Variants in MED12L observed in about 807,000 individuals in gnomAD.
MED12L encodes mediator of RNA polymerase II transcription subunit 12-like protein.
Under a neutral mutation model 281.3 loss-of-function variants are expected in MED12L, and 60 were observed. The observed-to-expected ratio is 0.21, with a 90% CI of 0.17 to 0.26. The LOEUF (loss-of-function observed/expected upper bound fraction) is 0.26. Ranked by LOEUF, MED12L falls within the 10% of genes least tolerant of loss-of-function variation. The probability of loss-of-function intolerance (pLI) is 1.00; values close to 1 mark genes in which losing one functional copy is unlikely to be tolerated. For synonymous variants in MED12L, 974 were observed against 987.2 expected, an observed-to-expected ratio of 0.99 and a Z score of 0.25; for missense variants, 2,146 against 2,680.9, an observed-to-expected ratio of 0.80 and a Z score of 4.41.
intron 2 of MED12L, among the ~76,000 whole-genome samples, chr3:151,097,689 G>A (rs774524150): frequency 4.6e-5 from 7 of 152,078 alleles, no homozygotes; most frequent in Non-Finnish European, 4.4e-5. Flanking sequence ...AGACATTTTG[G>A]GTTGCCACAA....
intron 16 of MED12L, among the ~76,000 whole-genome samples, chr3:151,217,607 G>T (rs540903790): frequency 6.6e-6 from 1 of 152,332 alleles, no homozygotes; most frequent in East Asian, 1.9e-4. Flanking sequence ...TTTAGGGTGG[G>T]AGGTTTTAGA....
chr3:151,397,101 A>G (rs17204501), intron 39 of MED12L, among the ~76,000 whole-genome samples: 45,720 of 151,940 alleles, frequency 0.3, 7,666 homozygotes, highest in Non-Finnish European at 0.38. Flanking sequence ...TGCTAACTCC[A>G]TTACAGTGTT....
chr3:151,267,099 T>C (rs1739986054), intron 16 of MED12L, among the ~76,000 whole-genome samples: 1 of 152,242 alleles, frequency 6.6e-6, no homozygotes, highest in Non-Finnish European at 1.5e-5. Context: ...TTCTTGCGTG[T>C]TAGAACTCCT....
chr3:151,383,963 T>G (rs747978901), intron 34 of MED12L, 75 bp downstream of exon 34: 67 of 1,480,390 alleles, frequency 4.5e-5, no homozygotes, highest in Non-Finnish European at 6.2e-5. Flanking sequence ...GATGGCGATT[T>G]CTGCCACATC....
intron 16 of MED12L, among the ~76,000 whole-genome samples, chr3:151,206,342 G>A (rs982524540): frequency 3.3e-5 from 5 of 151,620 alleles, no homozygotes; most frequent in African/African-American, 1.2e-4. Context: ...CACATTCTTG[G>A]AATGTGAACT....
intron 21 of MED12L, among the ~76,000 whole-genome samples, chr3:151,362,471 A>G (rs1195284946): frequency 6.6e-6 from 1 of 152,002 alleles, no homozygotes; most frequent in Non-Finnish European, 1.5e-5. Flanking sequence ...ACTTGTCCTC[A>G]GTTACTTGTG....
At chr3:151,411,204 C>T (rs961253366) in intron 40 of MED12L, 74 bp from the exon 41 acceptor site, 15 of 1,329,598 alleles carry the variant, frequency 1.1e-5, no homozygotes, top group African/African-American at 2.9e-5. Context: ...TTGTTTTTGC[C>T]CCATATATCG....
At chr3:151,229,830 A>G (rs9853297) in intron 16 of MED12L, among the ~76,000 whole-genome samples, 68,699 of 151,942 alleles carry the variant, frequency 0.45, 16,226 homozygotes, top group East Asian at 0.6. Flanking sequence ...GAGCAACTGT[A>G]TTAGTTGCAA....
intron 16 of MED12L, among the ~76,000 whole-genome samples, chr3:151,331,838 A>G (rs1414486283): frequency 6.6e-6 from 1 of 152,194 alleles, no homozygotes; most frequent in Admixed American, 6.5e-5. Context: ...GAAAAAAGGA[A>G]ATGCAGAAGT....
chr3:151,207,004 G>A (rs1181056636), intron 16 of MED12L, among the ~76,000 whole-genome samples: 2 of 151,438 alleles, frequency 1.3e-5, no homozygotes, highest in East Asian at 3.9e-4. Context: ...TACTTTCCAG[G>A]AGAATGTTCT....
intron 39 of MED12L, among the ~76,000 whole-genome samples, chr3:151,406,734 A>G (rs1278670716): frequency 2.6e-5 from 4 of 150,948 alleles, no homozygotes; most frequent in Non-Finnish European, 5.9e-5. Context: ...GTATGGCACA[A>G]TTTTCTGAAT....
At chr3:151,417,486 CCTT>C (rs1717735539) in intron 43 of MED12L, among the ~76,000 whole-genome samples, 1 of 56,156 alleles carries the variant, frequency 1.8e-5, no homozygotes. Flanking sequence ...TCCCCCCCCG[CCTT>C]TTTTTTTTTT....
intron 2 of MED12L, among the ~76,000 whole-genome samples, chr3:151,088,638 C>T (rs1451107407): frequency 6.6e-6 from 1 of 152,092 alleles, no homozygotes; most frequent in Non-Finnish European, 1.5e-5. Flanking sequence ...CGACTGGGGC[C>T]TCTGATTCTG....
At chr3:151,123,124 T>C in intron 4 of MED12L, 150 bp downstream of exon 4, 1 of 615,412 alleles carries the variant, frequency 1.6e-6, no homozygotes, top group Non-Finnish European at 2.8e-6. Flanking sequence ...TACTCCATGC[T>C]GTTTTCCCCT....
chr3:151,299,400 C>CTTTTCTTTT (rs1559999706), intron 16 of MED12L, among the ~76,000 whole-genome samples: 2 of 120,798 alleles, frequency 1.7e-5, no homozygotes, highest in Non-Finnish European at 3.5e-5. Context: ...CTTTTCTTTT[C>CTTTTCTTTT]CCCTCCCCTC....
chr3:151,202,155 T>C (rs1451145290), intron 16 of MED12L, among the ~76,000 whole-genome samples: 1 of 152,240 alleles, frequency 6.6e-6, no homozygotes, highest in African/African-American at 2.4e-5. Flanking sequence ...GAGAAACAAA[T>C]CTGTTTATTT....
At chr3:151,186,973 C>T (rs915296236) in intron 12 of MED12L, among the ~76,000 whole-genome samples, 1 of 152,138 alleles carries the variant, frequency 6.6e-6, no homozygotes. Flanking sequence ...CTCTGTGTTG[C>T]TGATATTACA....
At chr3:151,184,334 A>G (rs1037194081) in intron 11 of MED12L, among the ~76,000 whole-genome samples, 5 of 152,214 alleles carry the variant, frequency 3.3e-5, no homozygotes, top group African/African-American at 7.2e-5. Context: ...GCATGTATGT[A>G]TGTATGTTCT....
chr3:151,270,371 C>T (rs1491004325), intron 16 of MED12L, among the ~76,000 whole-genome samples: 1 of 151,972 alleles, frequency 6.6e-6, no homozygotes, highest in African/African-American at 2.4e-5. Context: ...CTTTCTGTTC[C>T]AAATTCATTT....
Sources: allele counts gnomAD v4.1 joint callset (sites outside exome capture counted in the v4.1 genomes callset), GRCh38; gene constraint gnomAD v4.1.1; transcripts MANE v1.5; gene names NCBI Gene and HGNC (gene_info 2026-07-23, HGNC 2026-07-21).